Variants in AS3MT observed in about 807,000 individuals in gnomAD.
AS3MT encodes S-adenosyl-L-methionine:arsenic(III) methyltransferase.
A neutral mutation model predicts 45.3 loss-of-function variants in AS3MT; 47 were observed. The observed-to-expected ratio is 1.04, with a 90% CI of 0.82 to 1.32. AS3MT has a LOEUF of 1.32. Among genes scored for constraint, AS3MT ranks in the 40% most tolerant of loss-of-function variants. The pLI is 0.00. For synonymous variants in AS3MT, 141 were observed against 152.8 expected (o/e 0.92, Z 0.57); for missense variants, 396 against 451.1 (o/e 0.88, Z 1.11).
At chr10:102,877,559 CAAA>C (rs199723619) in intron 7 of AS3MT, among the ~76,000 whole-genome samples, 4 of 94,364 alleles carry the variant, frequency 4.2e-5, no homozygotes, top group East Asian at 3.3e-4. Context: ...TGGAAAGTGC[CAAA>C]AAAAAAAAAA....
At chr10:102,889,062 T>C (rs997467755) in intron 9 of AS3MT, among the ~76,000 whole-genome samples, 5 of 151,410 alleles carry the variant, frequency 3.3e-5, no homozygotes, top group African/African-American at 1.2e-4. Context: ...GGCTAATTTT[T>C]TGTATTTTTA....
chr10:102,871,626 G>T (rs1028716935), intron 3 of AS3MT, among the ~76,000 whole-genome samples: 4 of 148,274 alleles, frequency 2.7e-5, no homozygotes, highest in African/African-American at 5.0e-5. Context: ...TACTCGGGAG[G>T]CTGAGGTAGG....
intron 10 of AS3MT, among the ~76,000 whole-genome samples, chr10:102,895,617 A>G (rs1845152684): frequency 6.6e-6 from 1 of 152,236 alleles, no homozygotes; most frequent in South Asian, 2.1e-4. Flanking sequence ...AACAAAAAGT[A>G]GAGTTACAAA....
At chr10:102,889,618 T>TGCCTGCCTGCCTGCCTGCCTG (rs1292952699) in intron 9 of AS3MT, among the ~76,000 whole-genome samples, 3 of 95,034 alleles carry the variant, frequency 3.2e-5, no homozygotes, top group Non-Finnish European at 4.5e-5. Context: ...CTGCCTGCCT[T>TGCCTGCCTGCCTGCCTGCCTG]CCTTCCTTCC....
At chr10:102,897,121 C>T (rs1473027799) in intron 10 of AS3MT, among the ~76,000 whole-genome samples, 1 of 152,046 alleles carries the variant, frequency 6.6e-6, no homozygotes, top group African/African-American at 2.4e-5. Context: ...TGGTGGCTCA[C>T]GCCTGTAATC....
In AS3MT at chr10:102,872,485, G is replaced by GA; in HGVS notation, c.212dup (p.Asn71LysfsTer9). ...TGGTCTGGTGATCCCTGAGCATCTA[G>GA]AAAACTGCTGGATTTTGGATCTGGG... On this transcript the variant is annotated frameshift_variant, in exon 4 of 11. Transcript: ENST00000369880. LOFTEE classifies it high-confidence loss of function. The GA allele has an allele frequency of 6.2e-7, 1 of 1,614,108 alleles. No homozygotes were observed. The highest frequency in any genetic ancestry group is 1.1e-5 in the South Asian group (1 of 91,070).
At chr10:102,879,317 T>C (rs1844837204) in intron 9 of AS3MT, among the ~76,000 whole-genome samples, 1 of 152,022 alleles carries the variant, frequency 6.6e-6, no homozygotes, top group South Asian at 2.1e-4. Flanking sequence ...TCACCACACC[T>C]GGCTAATATT....
intron 3 of AS3MT, among the ~76,000 whole-genome samples, chr10:102,870,418 A>C (rs565656052): frequency 2.6e-5 from 4 of 152,284 alleles, no homozygotes; most frequent in Admixed American, 1.3e-4. Flanking sequence ...CTGTAGTCCC[A>C]AGTGCTTGGG....
At chr10:102,893,499 T>C (rs113895802) in intron 10 of AS3MT, among the ~76,000 whole-genome samples, 15,854 of 148,518 alleles carry the variant, frequency 0.11, 842 homozygotes, top group Middle Eastern at 0.17. Context: ...TTTTTTCTTT[T>C]TTTTTTTTTT....
In AS3MT at chr10:102,869,556, C is replaced by G. The variant is rs1844637183; in HGVS notation, c.-37C>G. 6.5e-7 allele frequency: 1 copy of G among 1,527,048 alleles called. No individual in the cohort carries two copies. Among genetic ancestry groups the G allele is most frequent in the Non-Finnish European group, 8.8e-7 (1 of 1,140,244 alleles). 94.6% of individuals were successfully genotyped at this position (1,527,048 alleles called of 1,614,324 possible). A position where few individuals can be genotyped will look rare whatever the true frequency, so the allele number is the denominator to read the frequency against. ...CGCCCTGAGTCGCAGGCCGAGGAGA[C>G]AGTGAGTGCGCGCCCTGAGTCGCAG... On this transcript the variant is annotated 5_prime_UTR_variant, in exon 1 of 11. Coordinates refer to ENST00000369880, the MANE Select transcript of AS3MT (RefSeq NM_020682.4).
chr10:102,894,635 C>T (rs1845134716), intron 10 of AS3MT, among the ~76,000 whole-genome samples: 1 of 152,094 alleles, frequency 6.6e-6, no homozygotes, highest in South Asian at 2.1e-4. Flanking sequence ...ACCATTAAAA[C>T]AGATCTTAAG....
At chr10:102,890,520 A>ATT in intron 9 of AS3MT, 24 bp from the exon 10 acceptor site, 2 of 1,495,322 alleles carry the variant, frequency 1.3e-6, no homozygotes, top group South Asian at 1.3e-5. Flanking sequence ...AACTCTTAGT[A>ATT]TTTTTTTTTA....
intron 7 of AS3MT, among the ~76,000 whole-genome samples, chr10:102,877,430 T>A (rs1471261227): frequency 1.3e-5 from 2 of 152,162 alleles, no homozygotes; most frequent in Admixed American, 1.3e-4. Flanking sequence ...ATTTTAATAG[T>A]CTGGAAGTTG....
intron 7 of AS3MT, 139 bp from the exon 8 acceptor site, chr10:102,878,240 T>C: frequency 8.1e-7 from 1 of 1,240,532 alleles, no homozygotes; most frequent in Non-Finnish European, 1.1e-6. Context: ...CTTGGAGGGA[T>C]GCTCAAGTTA....
At chr10:102,900,137 A>G (rs985143872) in intron 10 of AS3MT, among the ~76,000 whole-genome samples, 1 of 152,208 alleles carries the variant, frequency 6.6e-6, no homozygotes, top group African/African-American at 2.4e-5. Context: ...CTGTCTGGCC[A>G]TTGTTGGCAA....
chr10:102,877,846 G>A lies in AS3MT; in HGVS notation c.611-533G>A, dbSNP rs556324185. On this transcript the variant is annotated intron_variant, in intron 7 of 10. Coordinates refer to ENST00000369880, the MANE Select transcript of AS3MT (RefSeq NM_020682.4). Reference sequence around the variant, plus strand: ...TGGCTCACTGCAACCTCCACTTCCCGGGTTCAAGTGATTCTCCTGCCTCAG... The same window carrying A: ...TGGCTCACTGCAACCTCCACTTCCCAGGTTCAAGTGATTCTCCTGCCTCAG... 4.2e-4 allele frequency among the ~76,000 whole-genome samples: 60 copies of A among 143,498 alleles called. No individual in the cohort carries two copies. In the South Asian group the frequency reaches 0.013, roughly 30 times the overall value. The allele number at this position is 143,498 out of a possible 152,430, so 94.1% of individuals were successfully genotyped here. A position where few individuals can be genotyped will look rare whatever the true frequency, so the allele number is the denominator to read the frequency against.
intron 9 of AS3MT, 126 bp from the exon 10 acceptor site, chr10:102,890,418 T>C: frequency 1.4e-6 from 1 of 700,670 alleles, no homozygotes; most frequent in Non-Finnish European, 2.2e-6. Context: ...TAATTTAAAT[T>C]CCCACCAACA....
rs1416621656 is a variant in AS3MT at position 102,888,873 on chromosome 10, A to AT, written c.886-1670dup. ...ACCCTATATATATATATATATATAT[A>AT]TATATATATTTTTTTTTTTTTTTTT... is the stretch of plus-strand genomic sequence containing the variant. On this transcript the variant is annotated intron_variant, in intron 9 of 10. Coordinates refer to ENST00000369880, the MANE Select transcript of AS3MT (RefSeq NM_020682.4). Among the ~76,000 whole-genome samples, 42 of 62,314 alleles carry AT rather than the reference A, an allele frequency of 6.7e-4. 1 individual carries two copies. In the East Asian group the frequency reaches 0.016, roughly 24 times the overall value. 40.9% of individuals were successfully genotyped at this position (62,314 alleles called of 152,430 possible). A position where few individuals can be genotyped will look rare whatever the true frequency, so the allele number is the denominator to read the frequency against.
At chr10:102,870,329 A>G in intron 3 of AS3MT, 118 bp downstream of exon 3, 7 of 1,323,426 alleles carry the variant, frequency 5.3e-6, no homozygotes, top group South Asian at 2.7e-5. Context: ...TGCCTTGTCT[A>G]TTGTAAAAAT....
Sources: gnomAD v4.1 joint callset for allele counts (sites outside exome capture counted in the v4.1 genomes callset) on GRCh38, gnomAD v4.1.1 for gene constraint, MANE v1.5 for transcripts, NCBI Gene and HGNC (gene_info 2026-07-23, HGNC 2026-07-21) for gene names.